Variants in EYS observed in about 807,000 individuals in gnomAD.
EYS encodes protein eyes shut homolog.
In EYS, 250 loss-of-function variants were observed where a neutral mutation model predicts 282.1. The ratio of observed to expected loss-of-function variants is 0.89; its 90% confidence interval spans 0.80 to 0.98. The LOEUF (loss-of-function observed/expected upper bound fraction) is 0.98, where lower values mean the gene tolerates loss of function less well. EYS is among the 50% of genes least tolerant of loss of function. The probability of loss-of-function intolerance (pLI) is 0.00; values close to 1 mark genes in which losing one functional copy is unlikely to be tolerated. For missense variants in EYS, 4,016 were observed against 3,709.0 expected, an observed-to-expected ratio of 1.08 and a Z score of -2.15; for synonymous variants, 1,355 against 1,282.9, an observed-to-expected ratio of 1.06 and a Z score of -1.20.
At chr6:64,033,257 T>C (rs1195893864) in intron 33 of EYS, among the ~76,000 whole-genome samples, 1 of 152,202 alleles carries the variant, frequency 6.6e-6, no homozygotes, top group African/African-American at 2.4e-5. Context: ...ACACTTCTCA[T>C]ATAATTTTTC....
intron 30 of EYS, among the ~76,000 whole-genome samples, chr6:64,267,456 G>A (rs979745967): frequency 1.3e-5 from 2 of 151,788 alleles, no homozygotes; most frequent in East Asian, 1.9e-4. Flanking sequence ...TCCATTATCC[G>A]TGATAGCTCC....
chr6:65,208,562 C>T (rs1349469408), intron 12 of EYS, among the ~76,000 whole-genome samples: 2 of 151,998 alleles, frequency 1.3e-5, no homozygotes, highest in African/African-American at 4.8e-5. Flanking sequence ...ATGTGTCCAT[C>T]AATGGTTGAT....
intron 35 of EYS, among the ~76,000 whole-genome samples, chr6:63,974,650 TG>T (rs1432946463): frequency 6.6e-6 from 1 of 152,054 alleles, no homozygotes; most frequent in Non-Finnish European, 1.5e-5. Context: ...AATTTGATAG[TG>T]GTCTTTTCCA....
intron 7 of EYS, among the ~76,000 whole-genome samples, chr6:65,399,735 T>C (rs1766421052): frequency 6.6e-6 from 1 of 152,046 alleles, no homozygotes; most frequent in Admixed American, 6.6e-5. Flanking sequence ...AACATAATCC[T>C]AACTCAAACA....
intron 35 of EYS, among the ~76,000 whole-genome samples, chr6:63,932,524 A>C (rs1263987030): frequency 6.6e-6 from 1 of 152,142 alleles, no homozygotes; most frequent in East Asian, 1.9e-4. Context: ...CTCCTCCTTC[A>C]GGGAATTTTT....
At chr6:63,836,044 T>C (rs1771797381) in intron 36 of EYS, among the ~76,000 whole-genome samples, 1 of 152,108 alleles carries the variant, frequency 6.6e-6, no homozygotes, top group South Asian at 2.1e-4. Flanking sequence ...AAAATTATTA[T>C]ACAGGTTTTT....
chr6:65,337,214 A>G (rs1770021134), intron 10 of EYS, among the ~76,000 whole-genome samples: 1 of 151,524 alleles, frequency 6.6e-6, no homozygotes, highest in African/African-American at 2.4e-5. Context: ...CAAATCTACT[A>G]GGAAGTAGAA....
At chr6:63,925,186 T>G (rs1457384740) in intron 35 of EYS, among the ~76,000 whole-genome samples, 1 of 152,218 alleles carries the variant, frequency 6.6e-6, no homozygotes, top group Non-Finnish European at 1.5e-5. Flanking sequence ...TAAAATGCCC[T>G]AGTAAGGGGA....
chr6:65,519,835 A>G (rs1314238879), intron 2 of EYS, among the ~76,000 whole-genome samples: 5 of 145,378 alleles, frequency 3.4e-5, no homozygotes, highest in African/African-American at 7.7e-5. Flanking sequence ...TCCCACCTCA[A>G]CCTCCTGAGT....
At chr6:64,940,121 A>G (rs370467307) in intron 15 of EYS, among the ~76,000 whole-genome samples, 34 of 152,204 alleles carry the variant, frequency 2.2e-4, no homozygotes, top group African/African-American at 7.0e-4. Context: ...TATCCAGAGC[A>G]AAGACCCACT....
chr6:65,462,952 T>C (rs150095737), intron 5 of EYS, among the ~76,000 whole-genome samples: 131 of 152,246 alleles, frequency 8.6e-4, no homozygotes, highest in African/African-American at 3.0e-3. Flanking sequence ...TTCAAAATAA[T>C]ATTATTTCAT....
intron 31 of EYS, among the ~76,000 whole-genome samples, chr6:64,201,735 ACTT>A (rs1238629671): frequency 6.6e-6 from 1 of 152,166 alleles, no homozygotes; most frequent in African/African-American, 2.4e-5. Flanking sequence ...TAATTGAAAA[ACTT>A]CTGCATCTCA....
At chr6:64,416,109 G>C (rs905481903) in intron 28 of EYS, among the ~76,000 whole-genome samples, 2 of 152,134 alleles carry the variant, frequency 1.3e-5, no homozygotes, top group African/African-American at 4.8e-5. Flanking sequence ...GGCTACCTTC[G>C]CACATGAATT....
intron 14 of EYS, among the ~76,000 whole-genome samples, chr6:64,949,852 A>T (rs1166128905): frequency 2.6e-5 from 4 of 151,930 alleles, no homozygotes; most frequent in African/African-American, 9.7e-5. Flanking sequence ...CTAACAATTT[A>T]TACTTCATAA....
chr6:64,731,265 C>T (rs1771954458), intron 22 of EYS, among the ~76,000 whole-genome samples: 1 of 151,902 alleles, frequency 6.6e-6, no homozygotes, highest in African/African-American at 2.4e-5. Context: ...CAACAAAAGC[C>T]CCAGTTGACA....
chr6:65,182,851 C>A (rs1373993049), intron 12 of EYS, among the ~76,000 whole-genome samples: 2 of 151,894 alleles, frequency 1.3e-5, no homozygotes, highest in Non-Finnish European at 2.9e-5. Context: ...TGCAGAGGCA[C>A]AATCTTGACT....
intron 22 of EYS, among the ~76,000 whole-genome samples, chr6:64,741,954 A>T (rs1772388207): frequency 6.6e-6 from 1 of 152,194 alleles, no homozygotes; most frequent in Admixed American, 6.5e-5. Flanking sequence ...CGTTCACTGG[A>T]GAACCACTTT....
Position 64,590,711 on chromosome 6 carries a change from T to G in EYS, c.5156A>C (p.Gln1719Pro). 1.3e-6 allele frequency: 2 copies of G among 1,551,194 alleles called. No homozygotes were observed. The highest frequency in any genetic ancestry group is 1.7e-6 in the Non-Finnish European group (2 of 1,146,628). Reference protein sequence around the residue: ...ITMGPTEVLNQESLLDMEKSK... With the variant: ...ITMGPTEVLNPESLLDMEKSK... ...TTTTTCCATGTCCAATAAGCTCTCT[T>G]GATTTAGTACCTCAGTGGGTCCCAT... is the stretch of plus-strand genomic sequence containing the variant. Residue 1719 changes from glutamine to proline, a missense_variant, in exon 26 of 43, where the codon CAA becomes CCA. Coordinates refer to ENST00000503581, the MANE Select transcript of EYS (RefSeq NM_001142800.2).
intron 2 of EYS, among the ~76,000 whole-genome samples, chr6:65,592,128 A>T (rs540384077): frequency 6.6e-6 from 1 of 151,986 alleles, no homozygotes; most frequent in Non-Finnish European, 1.5e-5. Flanking sequence ...TTTTCAAAAC[A>T]CATTTCTATT....
Sources: allele counts gnomAD v4.1 joint callset (sites outside exome capture counted in the v4.1 genomes callset), GRCh38; gene constraint gnomAD v4.1.1; transcripts MANE v1.5; gene names NCBI Gene and HGNC (gene_info 2026-07-23, HGNC 2026-07-21).